The following RICTOR variants were observed in gnomAD, a reference collection of about 807,000 sequenced individuals.
RICTOR encodes RPTOR independent companion of MTOR complex 2, also known as rapamycin-insensitive companion of mTOR.
In RICTOR, 49 loss-of-function variants were observed where a neutral mutation model predicts 214.9. The observed-to-expected ratio is 0.23, with a 90% CI of 0.18 to 0.29. RICTOR has a LOEUF of 0.29. Ranked by LOEUF, RICTOR falls within the 10% of genes least tolerant of loss-of-function variation. The probability of loss-of-function intolerance (pLI) is 1.00; values close to 1 mark genes in which losing one functional copy is unlikely to be tolerated. For missense variants in RICTOR, 1,625 were observed against 2,047.0 expected (o/e 0.79, Z 3.98); for synonymous variants, 717 against 711.3 (o/e 1.01, Z -0.13).
intron 22 of RICTOR, 90 bp downstream of exon 22, chr5:38,959,105 T>C (rs1444758642): frequency 2.0e-6 from 2 of 1,019,406 alleles, no homozygotes; most frequent in East Asian, 2.6e-5. Context: ...CATATCATAT[T>C]CTTAGAACTT....
chr5:38,987,739 T>C (rs1289819168), intron 7 of RICTOR, among the ~76,000 whole-genome samples: 1 of 152,162 alleles, frequency 6.6e-6, no homozygotes, highest in African/African-American at 2.4e-5. Context: ...ATTTCTTGTC[T>C]TCTGCTAGCT....
intron 2 of RICTOR, among the ~76,000 whole-genome samples, chr5:39,056,526 C>T (rs993345258): frequency 2.6e-5 from 4 of 151,934 alleles, no homozygotes; most frequent in African/African-American, 9.7e-5. Context: ...CTCCCAACTA[C>T]GTGGGGGTGC....
At chr5:39,035,878 T>A (rs940128292) in intron 2 of RICTOR, among the ~76,000 whole-genome samples, 1 of 152,184 alleles carries the variant, frequency 6.6e-6, no homozygotes, top group South Asian at 2.1e-4. Flanking sequence ...TGGAACCAAG[T>A]TGGAAAACAC....
intron 3 of RICTOR, among the ~76,000 whole-genome samples, chr5:39,019,463 T>C (rs1755227174): frequency 6.6e-6 from 1 of 152,214 alleles, no homozygotes; most frequent in Admixed American, 6.5e-5. Context: ...CTGAAAATCC[T>C]AGAGATCTTA....
chr5:39,025,538 A>G (rs1207145448), intron 2 of RICTOR, among the ~76,000 whole-genome samples: 1 of 152,244 alleles, frequency 6.6e-6, no homozygotes, highest in African/African-American at 2.4e-5. Context: ...ATAAAACTAA[A>G]TAATGGAGAC....
chr5:39,003,222 T>C (rs1163405471), intron 4 of RICTOR, among the ~76,000 whole-genome samples: 1 of 152,200 alleles, frequency 6.6e-6, no homozygotes. Context: ...AAGCACAAAC[T>C]TTCTCTTAGG....
At chr5:39,058,206 C>G (rs1758319571) in intron 2 of RICTOR, among the ~76,000 whole-genome samples, 3 of 151,800 alleles carry the variant, frequency 2.0e-5, no homozygotes, top group African/African-American at 7.3e-5. Context: ...ACAAAAAAAT[C>G]TAAATATTAA....
rs891516541 is a variant in RICTOR at position 39,074,372 on chromosome 5, C to T, written c.6G>A (p.Ala2=). M[A]AIGRGRSLKN... ...TCAGAGAGCGGCCGCGGCCGATCGC[C>T]GCCATATTGACGGGTTTCAGTCACA... is the stretch of plus-strand genomic sequence containing the variant. The change falls in exon 1 of 38, where the codon GCG becomes GCA. Residue 2 remains alanine, a synonymous_variant. Coordinates refer to ENST00000357387, the MANE Select transcript of RICTOR (RefSeq NM_152756.5). 6 of 1,540,284 alleles carry T rather than the reference C, an allele frequency of 3.9e-6. No homozygotes were observed. In the African/African-American group the frequency reaches 5.6e-5, roughly 14 times the overall value.
intron 2 of RICTOR, among the ~76,000 whole-genome samples, chr5:39,058,509 G>A (rs922465242): frequency 3.9e-5 from 6 of 151,928 alleles, no homozygotes; most frequent in Non-Finnish European, 7.4e-5. Context: ...TGTAAAACCC[G>A]GAGTGGTATA....
intron 10 of RICTOR, 68 bp from the exon 11 acceptor site, chr5:38,972,027 A>C: frequency 1.5e-6 from 1 of 673,330 alleles, no homozygotes. Flanking sequence ...GGCAATGTAT[A>C]ATATAAAACT....
At chr5:39,024,152 C>T (rs745457764) in intron 2 of RICTOR, among the ~76,000 whole-genome samples, 13 of 152,172 alleles carry the variant, frequency 8.5e-5, no homozygotes, top group Non-Finnish European at 1.8e-4. Context: ...TAATCTAATG[C>T]TGCTGCTGAT....
At chr5:39,019,026 C>T (rs1755185169) in intron 3 of RICTOR, among the ~76,000 whole-genome samples, 1 of 152,178 alleles carries the variant, frequency 6.6e-6, no homozygotes, top group African/African-American at 2.4e-5. Context: ...GAAGATTAAA[C>T]TGGCTACCAA....
chr5:39,049,459 T>A (rs539160280), intron 2 of RICTOR, among the ~76,000 whole-genome samples: 66 of 152,180 alleles, frequency 4.3e-4, no homozygotes, highest in Non-Finnish European at 9.0e-4. Flanking sequence ...ACTAGTTAAC[T>A]CCACAACTAT....
At chr5:39,020,585 T>C (rs1472615497) in intron 3 of RICTOR, among the ~76,000 whole-genome samples, 3 of 152,230 alleles carry the variant, frequency 2.0e-5, no homozygotes, top group African/African-American at 4.8e-5. Context: ...GACTACACTA[T>C]AGTATAAACA....
At chr5:39,044,387 G>A (rs950682238) in intron 2 of RICTOR, among the ~76,000 whole-genome samples, 1 of 151,946 alleles carries the variant, frequency 6.6e-6, no homozygotes, top group Non-Finnish European at 1.5e-5. Context: ...TAACAATCTG[G>A]CATTTATAAC....
rs1561500973 is a variant in RICTOR at position 38,990,556 on chromosome 5, C to CAATATATAT, written c.583+392_583+393insATATATATT. 3.8e-4 allele frequency among the ~76,000 whole-genome samples: 50 copies of CAATATATAT among 132,396 alleles called. 1 individual carries two copies. The highest frequency in any genetic ancestry group is 1.3e-3 in the African/African-American group (47 of 35,566). 86.9% of individuals were successfully genotyped at this position (132,396 alleles called of 152,430 possible). On this transcript the variant is annotated intron_variant, in intron 7 of 37. Coordinates refer to ENST00000357387, the MANE Select transcript of RICTOR (RefSeq NM_152756.5). Reference sequence around the variant, plus strand: ...ATATACGATATATACACGATATACACGATATATACACGATATATATGATAT... The same window carrying CAATATATAT: ...ATATACGATATATACACGATATACACAATATATATGATATATACACGATATATATGATAT...
At chr5:39,017,903 C>T (rs1300467835) in intron 3 of RICTOR, among the ~76,000 whole-genome samples, 1 of 152,034 alleles carries the variant, frequency 6.6e-6, no homozygotes, top group East Asian at 1.9e-4. Flanking sequence ...TTTAGTAGGT[C>T]TGGGGTGGGG....
At chr5:38,977,525 G>A (rs1435762953) in intron 9 of RICTOR, among the ~76,000 whole-genome samples, 1 of 150,102 alleles carries the variant, frequency 6.7e-6, no homozygotes, top group Non-Finnish European at 1.5e-5. Context: ...TTAGCTCAAA[G>A]TAGATCATGG....
At chr5:39,026,154 G>A (rs903525826) in intron 2 of RICTOR, among the ~76,000 whole-genome samples, 14 of 152,152 alleles carry the variant, frequency 9.2e-5, no homozygotes, top group Non-Finnish European at 2.1e-4. Flanking sequence ...AAGCCTTAAA[G>A]TTTAGAAAAC....
Sources: gnomAD v4.1 joint callset for allele counts (sites outside exome capture counted in the v4.1 genomes callset) on GRCh38, gnomAD v4.1.1 for gene constraint, MANE v1.5 for transcripts, NCBI Gene and HGNC (gene_info 2026-07-23, HGNC 2026-07-21) for gene names.